Variants in NLRC5 observed in about 807,000 individuals in gnomAD.
The protein encoded by NLRC5 is NLR family CARD domain containing 5.
NLRC5 carries 114 observed loss-of-function variants against 206.9 expected under a neutral mutation model. The ratio of observed to expected loss-of-function variants is 0.55; its 90% confidence interval spans 0.47 to 0.64. The LOEUF (loss-of-function observed/expected upper bound fraction) is 0.64, where lower values mean the gene tolerates loss of function less well. Ranked by LOEUF, NLRC5 falls within the 30% of genes least tolerant of loss-of-function variation. The pLI is 0.00. For synonymous variants in NLRC5, 952 were observed against 962.8 expected (o/e 0.99, Z 0.21); for missense variants, 2,008 against 2,305.5 (o/e 0.87, Z 2.64).
At chr16:56,999,049 G>T (rs533028271) in intron 1 of NLRC5, among the ~76,000 whole-genome samples, 1 of 152,360 alleles carries the variant, frequency 6.6e-6, no homozygotes, top group South Asian at 2.1e-4. Flanking sequence ...TCTGGCAAGA[G>T]CCCTTTTCCG....
intron 38 of NLRC5, among the ~76,000 whole-genome samples, chr16:57,072,896 G>A (rs529749884): frequency 9.2e-5 from 14 of 151,980 alleles, no homozygotes; most frequent in South Asian, 8.3e-4. Context: ...AAATTCTTCC[G>A]CTTGTCCCTC....
chr16:57,056,053 C>G (rs879109606), intron 27 of NLRC5, among the ~76,000 whole-genome samples: 4 of 152,164 alleles, frequency 2.6e-5, no homozygotes, highest in Admixed American at 2.0e-4. Flanking sequence ...TTATGTTTCC[C>G]ATATCCCTGG....
At chr16:57,061,068 C>T (rs2066412935) in intron 30 of NLRC5, among the ~76,000 whole-genome samples, 1 of 152,254 alleles carries the variant, frequency 6.6e-6, no homozygotes, top group African/African-American at 2.4e-5. Flanking sequence ...AGATTCTGCC[C>T]TTCTTTCTTA....
Position 57,054,783 on chromosome 16 carries a change from C to T in NLRC5, c.3539C>T (p.Pro1180Leu). ...CAGACGGGACTGTCCCCGAAAAGCC[C>T]CTTCCTGCTGGCCAACACCTTAAGC... is the stretch of plus-strand genomic sequence containing the variant. ...LSQTGLSPKS[P>L]FLLANTLSLC... The change falls in exon 25 of 49, where the codon CCC becomes CTC. Residue 1180 changes from proline to leucine, a missense_variant. Transcript: ENST00000688547. 1 of 1,614,224 alleles carries T rather than the reference C, an allele frequency of 6.2e-7. No individual in the cohort carries two copies. Among genetic ancestry groups the T allele is most frequent in the South Asian group, 1.1e-5 (1 of 91,090 alleles).
intron 1 of NLRC5, among the ~76,000 whole-genome samples, chr16:57,014,983 C>T (rs377457315): frequency 2.0e-5 from 3 of 151,158 alleles, no homozygotes; most frequent in East Asian, 3.9e-4. Context: ...GACTGGAGTG[C>T]GGTGGCATGA....
intron 38 of NLRC5, 23 bp downstream of exon 38, chr16:57,070,641 GGTGA>G (rs745485194): frequency 3.1e-6 from 5 of 1,603,174 alleles, no homozygotes; most frequent in South Asian, 2.2e-5. Flanking sequence ...GGTGGTTGTG[GGTGA>G]GTGAGTGGTG....
intron 8 of NLRC5, among the ~76,000 whole-genome samples, chr16:57,029,505 A>G (rs1276714515): frequency 6.6e-6 from 1 of 152,166 alleles, no homozygotes; most frequent in Non-Finnish European, 1.5e-5. Flanking sequence ...ATTGTGCCTC[A>G]TGAAGAGGCC....
intron 5 of NLRC5, among the ~76,000 whole-genome samples, chr16:57,024,254 AGAGGCCCTGG>A (rs1252914311): frequency 1.3e-5 from 2 of 152,052 alleles, no homozygotes; most frequent in Non-Finnish European, 2.9e-5. Context: ...CCTTCAAGAC[AGAGGCCCTGG>A]GGGCCCATGG....
At position 57,030,184 on chromosome 16, in the gene NLRC5, T is replaced by A. The variant is rs1313590156; in HGVS notation, c.2417+100T>A. On this transcript the variant is annotated intron_variant, in intron 10 of 48. Transcript: ENST00000688547. ...GGAGGCCCCTCGTCTGCAGGATAAA[T>A]CTGTGCATACCCTACTGTTTTACTC... 4.2e-6 allele frequency: 4 copies of A among 954,220 alleles called. No individual in the cohort carries two copies. In the African/African-American group the frequency reaches 4.8e-5, roughly 12 times the overall value. The allele number at this position is 954,220 out of a possible 1,614,324, so 59.1% of individuals were successfully genotyped here. A position where few individuals can be genotyped will look rare whatever the true frequency, so the allele number is the denominator to read the frequency against.
chr16:57,040,522 T>C (rs1305312279), intron 16 of NLRC5, 128 bp from the exon 17 acceptor site: 2 of 825,006 alleles, frequency 2.4e-6, no homozygotes, highest in Admixed American at 2.0e-5. Context: ...AGAAGCCAAA[T>C]TGGCACCAAG....
Position 57,067,420 on chromosome 16 carries a change from C to A in NLRC5, c.4356C>A (p.Ser1452Arg), listed in dbSNP as rs1164845033. Residue 1452 changes from serine to arginine, a missense_variant, in exon 35 of 49, where the codon AGC becomes AGA. Ser to Arg is a moderately radical substitution (Grantham distance 110). Coordinates refer to ENST00000688547, the MANE Select transcript of NLRC5 (RefSeq NM_001384950.1). ...ACTGTGACCTTGGAGCCCACCACAG[C>A]CTTCTTGTCGGGCAGCTGATGGAGA... ...LAHCDLGAHH[S>R]LLVGQLMETC... is the part of the protein sequence containing the mutation. The A allele has an allele frequency of 6.2e-7, 1 of 1,614,132 alleles. No individual in the cohort carries two copies. The highest frequency in any genetic ancestry group is 8.5e-7 in the Non-Finnish European group (1 of 1,180,050).
intron 2 of NLRC5, among the ~76,000 whole-genome samples, chr16:57,017,616 C>A (rs2060224603): frequency 6.6e-6 from 1 of 152,316 alleles, no homozygotes; most frequent in South Asian, 2.1e-4. Context: ...CTGTCTCCCA[C>A]ACTCAGGCTA....
At chr16:57,051,649 G>T in intron 24 of NLRC5, 28 bp downstream of exon 24, 1 of 1,578,078 alleles carries the variant, frequency 6.3e-7, no homozygotes, top group Non-Finnish European at 8.7e-7. Context: ...CCTATTTCCC[G>T]GTTCCTTGTG....
intron 1 of NLRC5, among the ~76,000 whole-genome samples, chr16:56,993,025 C>T (rs1414767129): frequency 6.6e-6 from 1 of 151,766 alleles, no homozygotes; most frequent in Admixed American, 6.6e-5. Flanking sequence ...CCGAAGACAA[C>T]CAATGTTATC....
At chr16:57,058,346 C>A (rs2065960466) in intron 28 of NLRC5, 198 bp downstream of exon 28, 4 of 574,886 alleles carry the variant, frequency 7.0e-6, no homozygotes, top group Non-Finnish European at 1.2e-5. Context: ...CCACCATGGG[C>A]AGATCCTCCA....
At chr16:57,042,268 C>T (rs2063378568) in intron 19 of NLRC5, among the ~76,000 whole-genome samples, 1 of 152,214 alleles carries the variant, frequency 6.6e-6, no homozygotes, top group African/African-American at 2.4e-5. Flanking sequence ...AATCCCACTT[C>T]TGATTCAAGG....
chr16:57,079,398 C>T (rs1251779823), intron 45 of NLRC5, 106 bp downstream of exon 45: 35 of 1,416,068 alleles, frequency 2.5e-5, no homozygotes, highest in South Asian at 1.2e-4. Flanking sequence ...ATAGAAGCCC[C>T]AGGGATGGTG....
intron 5 of NLRC5, among the ~76,000 whole-genome samples, chr16:57,024,510 C>T (rs1157126730): frequency 6.6e-6 from 1 of 152,196 alleles, no homozygotes; most frequent in African/African-American, 2.4e-5. Context: ...AGCCCCAGCC[C>T]TTTCCCTGGG....
intron 43 of NLRC5, 52 bp downstream of exon 43, chr16:57,078,072 C>A: frequency 7.0e-7 from 1 of 1,434,730 alleles, no homozygotes; most frequent in South Asian, 1.3e-5. Context: ...GGAGGGTCCT[C>A]GGGAGCAGTG....
Sources: allele counts gnomAD v4.1 joint callset (sites outside exome capture counted in the v4.1 genomes callset), GRCh38; gene constraint gnomAD v4.1.1; transcripts MANE v1.5; gene names NCBI Gene and HGNC (gene_info 2026-07-23, HGNC 2026-07-21).